Variants in PRKCI observed in about 807,000 individuals in gnomAD.
PRKCI encodes the protein protein kinase C iota.
Under a neutral mutation model 84.0 loss-of-function variants are expected in PRKCI, and 43 were observed. The observed-to-expected ratio is 0.51, with a 90% confidence interval of 0.40 to 0.66. PRKCI has a LOEUF of 0.66. Ranked by LOEUF, PRKCI falls within the 30% of genes least tolerant of loss-of-function variation. The pLI, the probability that PRKCI is intolerant of heterozygous loss-of-function variation, is 0.00. For missense variants in PRKCI, 459 were observed against 745.6 expected, an observed-to-expected ratio of 0.62 and a Z score of 4.48; for synonymous variants, 216 against 234.4, an observed-to-expected ratio of 0.92 and a Z score of 0.72.
chr3:170,275,719 T>C (rs1285248529), intron 8 of PRKCI, among the ~76,000 whole-genome samples: 1 of 152,112 alleles, frequency 6.6e-6, no homozygotes, highest in African/African-American at 2.4e-5. Context: ...AATGATTTGA[T>C]TAAAATAATA....
chr3:170,281,419 A>G (rs1238056597), intron 10 of PRKCI, 156 bp downstream of exon 10: 2 of 609,820 alleles, frequency 3.3e-6, no homozygotes, highest in Non-Finnish European at 5.7e-6. Context: ...GCCATCAGTG[A>G]TATCAGTTTG....
intron 2 of PRKCI, among the ~76,000 whole-genome samples, chr3:170,244,329 G>A (rs1440518559): frequency 1.3e-5 from 2 of 152,268 alleles, no homozygotes; most frequent in Admixed American, 6.5e-5. Context: ...TTAATCACCA[G>A]CAGCCAGTGG....
At chr3:170,266,994 A>T (rs1577359170) in intron 4 of PRKCI, among the ~76,000 whole-genome samples, 1 of 152,148 alleles carries the variant, frequency 6.6e-6, no homozygotes, top group African/African-American at 2.4e-5. Flanking sequence ...CTGTGTCTCA[A>T]AAAAGAAAGT....
At chr3:170,293,603 G>T (rs1734622260) in intron 14 of PRKCI, 95 bp downstream of exon 14, 1 of 1,343,692 alleles carries the variant, frequency 7.4e-7, no homozygotes, top group African/African-American at 1.5e-5. Context: ...TAAGAAAAAT[G>T]AGCATAATCT....
chr3:170,248,465 C>T (rs1427460707), intron 2 of PRKCI, among the ~76,000 whole-genome samples: 1 of 152,090 alleles, frequency 6.6e-6, no homozygotes, highest in East Asian at 1.9e-4. Context: ...TATTCCTGCT[C>T]TAGGATGTGA....
At chr3:170,244,419 ACAAAT>A (rs1163140454) in intron 2 of PRKCI, among the ~76,000 whole-genome samples, 1 of 152,164 alleles carries the variant, frequency 6.6e-6, no homozygotes, top group Non-Finnish European at 1.5e-5. Context: ...TGCTCGGTGA[ACAAAT>A]CAAGGTCCTG....
chr3:170,253,224 CAT>C (rs1371841046), intron 2 of PRKCI, among the ~76,000 whole-genome samples: 3 of 152,110 alleles, frequency 2.0e-5, no homozygotes, highest in Non-Finnish European at 4.4e-5. Context: ...ATTTCTGGAT[CAT>C]ATGGTAGGTG....
intron 3 of PRKCI, 105 bp from the exon 4 acceptor site, chr3:170,263,274 C>A: frequency 1.2e-6 from 1 of 839,842 alleles, no homozygotes; most frequent in South Asian, 1.6e-5. Flanking sequence ...AAGAGAGGGT[C>A]AGGTTGAAAT....
intron 2 of PRKCI, among the ~76,000 whole-genome samples, chr3:170,257,088 TTATCTAG>T (rs1733601741): frequency 6.6e-6 from 1 of 152,186 alleles, no homozygotes; most frequent in South Asian, 2.1e-4. Context: ...TAAGGAGTTT[TTATCTAG>T]AGTTATAGAG....
At chr3:170,280,145 A>G (rs536949851) in intron 8 of PRKCI, 82 bp from the exon 9 acceptor site, 2 of 1,190,632 alleles carry the variant, frequency 1.7e-6, no homozygotes, top group African/African-American at 1.6e-5. Flanking sequence ...TTAAATCGTT[A>G]TAGGTACAAC....
intron 1 of PRKCI, among the ~76,000 whole-genome samples, chr3:170,233,611 A>C (rs1252747950): frequency 2.0e-5 from 3 of 152,228 alleles, no homozygotes; most frequent in Non-Finnish European, 4.4e-5. Flanking sequence ...GCAATTACTG[A>C]GAGCTAAGTG....
At chr3:170,294,406 A>G (rs1261156195) in intron 14 of PRKCI, among the ~76,000 whole-genome samples, 1 of 152,238 alleles carries the variant, frequency 6.6e-6, no homozygotes, top group Non-Finnish European at 1.5e-5. Context: ...CCAAATGGCC[A>G]TGGAATATGT....
intron 11 of PRKCI, among the ~76,000 whole-genome samples, chr3:170,283,018 T>G (rs1303618271): frequency 6.7e-6 from 1 of 149,478 alleles, no homozygotes; most frequent in Non-Finnish European, 1.5e-5. Flanking sequence ...ATTAGGAGAA[T>G]CGCTTGAGCC....
At chr3:170,302,607 A>G (rs1734849494) in intron 17 of PRKCI, among the ~76,000 whole-genome samples, 2 of 152,108 alleles carry the variant, frequency 1.3e-5, no homozygotes, top group Admixed American at 1.3e-4. Flanking sequence ...CAGGTCTCTC[A>G]GTGTACTTGT....
rs1451685495 is a variant in PRKCI, at chr3:170,284,624, A to G, written c.1203+28A>G. The G allele has an allele frequency of 3.7e-6, 6 of 1,600,758 alleles. No individual in the cohort carries two copies. In the South Asian group the frequency reaches 6.8e-5, roughly 18 times the overall value. ...GAGGAAAATTTTCTAGTTATTTTAA[A>G]AGGTCTTCAGCAGCTAGTAGTCTTT... On this transcript the variant is annotated intron_variant, in intron 12 of 17. Transcript: ENST00000295797.
At chr3:170,232,082 T>C (rs1732808099) in intron 1 of PRKCI, among the ~76,000 whole-genome samples, 1 of 152,012 alleles carries the variant, frequency 6.6e-6, no homozygotes, top group South Asian at 2.1e-4. Flanking sequence ...GGCACATTTC[T>C]ACTCTGTCAC....
chr3:170,269,918 A>G lies in PRKCI; in HGVS notation c.451-503A>G, dbSNP rs545754797. Among the ~76,000 whole-genome samples the G allele has an allele frequency of 2.4e-3, 363 of 152,128 alleles. 1 individual carries two copies. Among genetic ancestry groups the G allele is most frequent in the African/African-American group, 6.5e-3 (268 of 41,514 alleles). ...GGTTGCGGTAAGCTGAGATTGTGCC[A>G]TTGCATTCCAGCCTGGGCAACAAGA... On this transcript the variant is annotated intron_variant, in intron 5 of 17. Transcript: ENST00000295797.
chr3:170,256,726 G>A (rs1021839024), intron 2 of PRKCI, among the ~76,000 whole-genome samples: 1 of 151,784 alleles, frequency 6.6e-6, no homozygotes, highest in Non-Finnish European at 1.5e-5. Context: ...GTTTGCTCTC[G>A]CTTTTCTTGT....
chr3:170,298,728 A>C (rs1026826453), intron 16 of PRKCI, among the ~76,000 whole-genome samples: 1 of 151,840 alleles, frequency 6.6e-6, no homozygotes, highest in South Asian at 2.1e-4. Context: ...TTTTATAGAG[A>C]TGGGATCTTG....
Sources: gnomAD v4.1 joint callset for allele counts (sites outside exome capture counted in the v4.1 genomes callset) on GRCh38, gnomAD v4.1.1 for gene constraint, MANE v1.5 for transcripts, NCBI Gene and HGNC (gene_info 2026-07-23, HGNC 2026-07-21) for gene names.